Variants in PRKCE observed in about 807,000 individuals in gnomAD.
The protein encoded by PRKCE is protein kinase C epsilon type.
A neutral mutation model predicts 85.4 loss-of-function variants in PRKCE; 16 were observed. The observed-to-expected ratio is 0.19, with a 90% CI of 0.13 to 0.28. PRKCE has a LOEUF of 0.28. PRKCE is among the 10% of genes least tolerant of loss of function. The pLI is 1.00. For missense variants in PRKCE, 573 were observed against 975.2 expected (o/e 0.59, Z 5.49); for synonymous variants, 388 against 371.5 (o/e 1.04, Z -0.51).
chr2:46,102,821 A>C (rs1396556160), intron 11 of PRKCE, among the ~76,000 whole-genome samples: 1 of 152,206 alleles, frequency 6.6e-6, no homozygotes, highest in Non-Finnish European at 1.5e-5. Flanking sequence ...TCATTACATC[A>C]CATCAAAGGT....
chr2:45,877,314 T>A (rs1426415818), intron 2 of PRKCE, among the ~76,000 whole-genome samples: 4 of 152,166 alleles, frequency 2.6e-5, no homozygotes, highest in Non-Finnish European at 4.4e-5. Context: ...CTTCTTATTT[T>A]TTCTTAGAGT....
intron 2 of PRKCE, among the ~76,000 whole-genome samples, chr2:45,936,306 C>G (rs879643582): frequency 3.3e-5 from 5 of 152,230 alleles, no homozygotes; most frequent in Non-Finnish European, 5.9e-5. Context: ...TTTCCCTGCT[C>G]TCCTGAGTAA....
intron 1 of PRKCE, among the ~76,000 whole-genome samples, chr2:45,806,943 T>C (rs1357577109): frequency 6.6e-6 from 1 of 152,168 alleles, no homozygotes; most frequent in Non-Finnish European, 1.5e-5. Flanking sequence ...TGAGGATGTT[T>C]TGCCTAGAGA....
chr2:46,151,312 C>G (rs1041542830), intron 13 of PRKCE, 83 bp downstream of exon 13: 5 of 1,170,784 alleles, frequency 4.3e-6, no homozygotes, highest in Non-Finnish European at 4.9e-6. Flanking sequence ...CACACACACA[C>G]ACACACACAC....
intron 1 of PRKCE, among the ~76,000 whole-genome samples, chr2:45,737,551 C>T (rs1003742861): frequency 1.2e-4 from 18 of 152,006 alleles, no homozygotes; most frequent in Non-Finnish European, 2.2e-4. Context: ...GAGGACCTCT[C>T]GGCTCCTTTT....
At chr2:45,946,599 C>T (rs1047693370) in intron 2 of PRKCE, among the ~76,000 whole-genome samples, 1 of 152,178 alleles carries the variant, frequency 6.6e-6, no homozygotes, top group Non-Finnish European at 1.5e-5. Context: ...TGGTGAAATC[C>T]ATGCTGGTGC....
intron 2 of PRKCE, among the ~76,000 whole-genome samples, chr2:45,912,926 A>G (rs1697488075): frequency 6.6e-6 from 1 of 152,120 alleles, no homozygotes; most frequent in African/African-American, 2.4e-5. Flanking sequence ...CCCATACCTT[A>G]TGGGGCCATT....
intron 1 of PRKCE, among the ~76,000 whole-genome samples, chr2:45,661,537 T>G (rs542345537): frequency 0.019 from 2,680 of 139,312 alleles, 92 homozygotes; most frequent in African/African-American, 0.068. Flanking sequence ...TTTGTTTTTT[T>G]TTTTTTTTTT....
At chr2:45,788,891 C>T (rs1330207401) in intron 1 of PRKCE, among the ~76,000 whole-genome samples, 2 of 152,200 alleles carry the variant, frequency 1.3e-5, no homozygotes, top group African/African-American at 2.4e-5. Context: ...CATTGACTTA[C>T]ACCATTGGTC....
Position 45,651,949 on chromosome 2 carries a change from C to T in PRKCE, c.-152C>T. 1 of 610,456 alleles carries T rather than the reference C, an allele frequency of 1.6e-6. No individual in the cohort carries two copies. The highest frequency in any genetic ancestry group is 2.3e-5 in the South Asian group (1 of 42,700). 37.8% of individuals were successfully genotyped at this position (610,456 alleles called of 1,614,324 possible). A position where few individuals can be genotyped will look rare whatever the true frequency, so the allele number is the denominator to read the frequency against. ...TGCACTGGCTGAGAATCGCCCGCGC[C>T]AGGGCGCAACGCCACAAGGTGTAGG... On this transcript the variant is annotated 5_prime_UTR_variant, in exon 1 of 15. Transcript: ENST00000306156.
At chr2:46,126,324 C>G (rs1673842771) in intron 11 of PRKCE, among the ~76,000 whole-genome samples, 1 of 152,144 alleles carries the variant, frequency 6.6e-6, no homozygotes, top group Admixed American at 6.5e-5. Flanking sequence ...GTTCCTTTGT[C>G]CCCTCTTTGT....
At chr2:45,856,340 C>T (rs775048748) in intron 2 of PRKCE, among the ~76,000 whole-genome samples, 13 of 152,176 alleles carry the variant, frequency 8.5e-5, no homozygotes, top group Non-Finnish European at 1.6e-4. Flanking sequence ...GAGTAATTCT[C>T]GTGCCTCAGC....
chr2:45,682,340 T>C (rs999511621), intron 1 of PRKCE, among the ~76,000 whole-genome samples: 3 of 152,244 alleles, frequency 2.0e-5, no homozygotes, highest in Admixed American at 6.5e-5. Flanking sequence ...TGTCTGAGAG[T>C]ACGAGGTAGG....
chr2:45,731,293 A>G (rs1430894476), intron 1 of PRKCE, among the ~76,000 whole-genome samples: 2 of 152,198 alleles, frequency 1.3e-5, no homozygotes, highest in African/African-American at 4.8e-5. Flanking sequence ...TCACTTAGAC[A>G]GAGCAGCTCC....
intron 1 of PRKCE, among the ~76,000 whole-genome samples, chr2:45,690,344 G>A (rs1369720922): frequency 3.3e-5 from 5 of 152,186 alleles, no homozygotes; most frequent in Admixed American, 3.3e-4. Flanking sequence ...GCTTCTCTTG[G>A]GGGATAAAGG....
intron 11 of PRKCE, among the ~76,000 whole-genome samples, chr2:46,144,530 TC>T (rs1675875689): frequency 6.6e-6 from 1 of 152,170 alleles, no homozygotes; most frequent in South Asian, 2.1e-4. Flanking sequence ...CGAACCCTTA[TC>T]TTCTAACCAT....
chr2:45,982,396 C>G (rs1053986254), intron 5 of PRKCE, among the ~76,000 whole-genome samples: 11 of 152,226 alleles, frequency 7.2e-5, no homozygotes, highest in Admixed American at 2.6e-4. Flanking sequence ...AAAAGGTGCT[C>G]TGGTGATGGA....
rs1558581826 is a variant in PRKCE at position 45,710,273 on chromosome 2, CAT to C, written c.348+57826_348+57827del. Among the ~76,000 whole-genome samples the C allele has an allele frequency of 5.3e-5, 8 of 152,228 alleles. No homozygotes were observed. The East Asian group carries it at 1.5e-3, about 29-fold the overall frequency. On this transcript the variant is annotated intron_variant, in intron 1 of 14. Coordinates refer to ENST00000306156, the MANE Select transcript of PRKCE (RefSeq NM_005400.3). ...GCCCAGCCTGAGAGATTAAGGAACA[CAT>C]CCCCAGTTTTTCAGCAGTAAAGCAA...
chr2:45,672,357 T>G (rs928061557), intron 1 of PRKCE, among the ~76,000 whole-genome samples: 2 of 152,038 alleles, frequency 1.3e-5, no homozygotes. Flanking sequence ...TCTTCATTCA[T>G]CCATTCATTC....
Sources: allele counts gnomAD v4.1 joint callset (sites outside exome capture counted in the v4.1 genomes callset), GRCh38; gene constraint gnomAD v4.1.1; transcripts MANE v1.5; gene names NCBI Gene and HGNC (gene_info 2026-07-23, HGNC 2026-07-21).